Variants in FHIT observed in about 807,000 individuals in gnomAD.
FHIT encodes the protein bis(5'-adenosyl)-triphosphatase.
FHIT carries 19 observed loss-of-function variants against 17.9 expected under a neutral mutation model. The observed-to-expected ratio is 1.06, with a 90% CI of 0.74 to 1.56. The LOEUF (loss-of-function observed/expected upper bound fraction) is 1.56. FHIT is among the 40% of genes most tolerant of loss of function. The pLI, the probability that FHIT is intolerant of heterozygous loss-of-function variation, is 0.00. For synonymous variants in FHIT, 81 were observed against 69.7 expected, an observed-to-expected ratio of 1.16 and a Z score of -0.81; for missense variants, 248 against 189.2, an observed-to-expected ratio of 1.31 and a Z score of -1.82.
chr3:61,195,677 T>C (rs2038834359), intron 2 of FHIT, among the ~76,000 whole-genome samples: 1 of 152,168 alleles, frequency 6.6e-6, no homozygotes, highest in African/African-American at 2.4e-5. Context: ...AGTGACAGTA[T>C]TTGTAAGTAA....
chr3:60,745,332 C>G (rs569170590), intron 4 of FHIT, among the ~76,000 whole-genome samples: 1 of 152,182 alleles, frequency 6.6e-6, no homozygotes, highest in South Asian at 2.1e-4. Flanking sequence ...AAGGCCTTGC[C>G]GTGAGGCTGA....
chr3:60,279,884 T>G (rs983519708), intron 5 of FHIT, among the ~76,000 whole-genome samples: 1 of 151,700 alleles, frequency 6.6e-6, no homozygotes, highest in African/African-American at 2.4e-5. Flanking sequence ...ACAAAAAAAT[T>G]AGCCAGGTAT....
chr3:60,696,880 G>C (rs1356830852), intron 4 of FHIT, among the ~76,000 whole-genome samples: 1 of 152,156 alleles, frequency 6.6e-6, no homozygotes, highest in Non-Finnish European at 1.5e-5. Context: ...CTGGCCCCAA[G>C]TTCTGGAAAA....
At chr3:60,157,307 G>A (rs967946751) in intron 5 of FHIT, among the ~76,000 whole-genome samples, 1 of 152,136 alleles carries the variant, frequency 6.6e-6, no homozygotes, top group African/African-American at 2.4e-5. Context: ...GGCACATCAA[G>A]AGCTTTTTTT....
At chr3:59,992,427 C>A (rs1216538891) in intron 7 of FHIT, among the ~76,000 whole-genome samples, 1 of 151,944 alleles carries the variant, frequency 6.6e-6, no homozygotes, top group African/African-American at 2.4e-5. Flanking sequence ...TTCAATTGGA[C>A]CGATAAGTAC....
At chr3:60,086,698 C>A (rs187999860) in intron 5 of FHIT, among the ~76,000 whole-genome samples, 2 of 152,326 alleles carry the variant, frequency 1.3e-5, no homozygotes, top group African/African-American at 4.8e-5. Context: ...AAATAATCTT[C>A]TTTGCCTCCA....
At chr3:60,458,561 A>C (rs1270610188) in intron 5 of FHIT, among the ~76,000 whole-genome samples, 1 of 149,792 alleles carries the variant, frequency 6.7e-6, no homozygotes, top group Non-Finnish European at 1.5e-5. Flanking sequence ...CATGTTGTGC[A>C]CATGTACCCT....
intron 5 of FHIT, among the ~76,000 whole-genome samples, chr3:60,116,534 T>C (rs1704970283): frequency 6.6e-6 from 1 of 152,152 alleles, no homozygotes; most frequent in African/African-American, 2.4e-5. Flanking sequence ...GACAATTCAT[T>C]TTTTACAGCC....
At chr3:59,997,192 C>A (rs916124847) in intron 7 of FHIT, among the ~76,000 whole-genome samples, 1 of 152,094 alleles carries the variant, frequency 6.6e-6, no homozygotes, top group African/African-American at 2.4e-5. Context: ...ATGGGAGGAA[C>A]CAGTTTGGGA....
At chr3:60,245,328 T>A (rs1231334000) in intron 5 of FHIT, among the ~76,000 whole-genome samples, 1 of 152,054 alleles carries the variant, frequency 6.6e-6, no homozygotes, top group African/African-American at 2.4e-5. Flanking sequence ...CACACAGCTT[T>A]TATCAGAGGG....
chr3:60,751,267 T>C (rs1553716754), intron 4 of FHIT, among the ~76,000 whole-genome samples: 1 of 152,206 alleles, frequency 6.6e-6, no homozygotes, highest in Non-Finnish European at 1.5e-5. Flanking sequence ...TAATTTTATA[T>C]AGGAGGAAAC....
At chr3:61,147,314 T>G (rs1360237253) in intron 2 of FHIT, among the ~76,000 whole-genome samples, 1 of 152,068 alleles carries the variant, frequency 6.6e-6, no homozygotes, top group Non-Finnish European at 1.5e-5. Flanking sequence ...ATAATAACTA[T>G]ATAATACATT....
chr3:60,086,663 G>T (rs1373891225), intron 5 of FHIT, among the ~76,000 whole-genome samples: 1 of 152,190 alleles, frequency 6.6e-6, no homozygotes, highest in Non-Finnish European at 1.5e-5. Context: ...ACTTAGCCGG[G>T]CAGACATGAT....
At chr3:61,082,089 A>AC (rs575927728) in intron 2 of FHIT, among the ~76,000 whole-genome samples, 1 of 152,214 alleles carries the variant, frequency 6.6e-6, no homozygotes, top group South Asian at 2.1e-4. Flanking sequence ...TCTCCAAAAA[A>AC]AAAAAGTGCT....
In FHIT at chr3:60,742,312, A is replaced by C. The variant is rs181382284; in HGVS notation, c.-18+79607T>G. On this transcript the variant is annotated intron_variant, in intron 4 of 9. Coordinates refer to ENST00000492590, the MANE Select transcript of FHIT (RefSeq NM_002012.4). ...CAGAGAAAAATTTAGTGAAAGAGTA[A>C]ATGGGCTTCACACCAGGATGATAGC... is the stretch of plus-strand genomic sequence containing the variant. 9.8e-5 allele frequency among the ~76,000 whole-genome samples: 15 copies of C among 152,346 alleles called. No homozygotes were observed. In the East Asian group the frequency reaches 2.9e-3, roughly 29 times the overall value.
At chr3:60,296,611 T>TTAGC in intron 5 of FHIT, among the ~76,000 whole-genome samples, 1 of 152,228 alleles carries the variant, frequency 6.6e-6, no homozygotes, top group African/African-American at 2.4e-5. Flanking sequence ...GCTTGTCTTT[T>TTAGC]TAGCCTCTTA....
chr3:59,783,449 C>G (rs1702692751), intron 8 of FHIT, among the ~76,000 whole-genome samples: 3 of 152,106 alleles, frequency 2.0e-5, no homozygotes, highest in Admixed American at 2.0e-4. Context: ...AGCCTGGTGA[C>G]AGAGCGAGAC....
chr3:60,692,293 T>C (rs1735454), intron 4 of FHIT, among the ~76,000 whole-genome samples: 140,490 of 152,240 alleles, frequency 0.92, 64,897 homozygotes, highest in Middle Eastern at 0.94. Flanking sequence ...AGGATAATGG[T>C]CTTCCAAAGG....
chr3:60,461,590 T>A (rs1422113983), intron 5 of FHIT, among the ~76,000 whole-genome samples: 1 of 152,214 alleles, frequency 6.6e-6, no homozygotes, highest in Non-Finnish European at 1.5e-5. Flanking sequence ...AACGCAGCTG[T>A]CCCTGACATC....
Sources: gnomAD v4.1 joint callset for allele counts (sites outside exome capture counted in the v4.1 genomes callset) on GRCh38, gnomAD v4.1.1 for gene constraint, MANE v1.5 for transcripts, NCBI Gene and HGNC (gene_info 2026-07-23, HGNC 2026-07-21) for gene names.